Variants in FKBP5 observed in about 807,000 individuals in gnomAD.
FKBP5 encodes FKBP prolyl isomerase 5.
In FKBP5, 23 loss-of-function variants were observed where a neutral mutation model predicts 50.5. The observed-to-expected ratio is 0.46, with a 90% CI of 0.33 to 0.65. The LOEUF (loss-of-function observed/expected upper bound fraction) is 0.65, where lower values mean the gene tolerates loss of function less well. Ranked by LOEUF, FKBP5 falls within the 30% of genes least tolerant of loss-of-function variation. The pLI, the probability that FKBP5 is intolerant of heterozygous loss-of-function variation, is 0.02. For synonymous variants in FKBP5, 176 were observed against 190.6 expected (o/e 0.92, Z 0.63); for missense variants, 411 against 553.1 (o/e 0.74, Z 2.58).
At chr6:35,657,531 CT>C (rs1581858899) in intron 1 of FKBP5, among the ~76,000 whole-genome samples, 2 of 152,342 alleles carry the variant, frequency 1.3e-5, no homozygotes, top group East Asian at 3.9e-4. Flanking sequence ...AAGTTTTCCA[CT>C]TTTAAGAACC....
intron 8 of FKBP5, chr6:35,582,362 T>C: frequency 1.1e-6 from 1 of 884,900 alleles, no homozygotes; most frequent in Non-Finnish European, 1.4e-6. Flanking sequence ...CCGAATGTGA[T>C]ATTTGCAGAT....
At chr6:35,656,204 C>T (rs915174740) in intron 1 of FKBP5, among the ~76,000 whole-genome samples, 3 of 152,144 alleles carry the variant, frequency 2.0e-5, no homozygotes, top group Admixed American at 6.5e-5. Flanking sequence ...TAAAAAATCT[C>T]GGCCATCTTA....
At chr6:35,691,012 AAATAAT>A (rs1198233213), upstream of FKBP5, among the ~76,000 whole-genome samples, 1 of 152,014 alleles carries the variant, frequency 6.6e-6, no homozygotes, top group Non-Finnish European at 1.5e-5. Flanking sequence ...ATCTCAAAAA[AAATAAT>A]AATAAATAAA....
intron 1 of FKBP5, among the ~76,000 whole-genome samples, chr6:35,675,470 T>C (rs1765501783): frequency 6.6e-6 from 1 of 152,198 alleles, no homozygotes; most frequent in Admixed American, 6.5e-5. Context: ...CTCAGGAGGC[T>C]GAGGCAAGAG....
At chr6:35,592,417 A>G (rs1762849741) in intron 6 of FKBP5, among the ~76,000 whole-genome samples, 1 of 152,220 alleles carries the variant, frequency 6.6e-6, no homozygotes, top group Admixed American at 6.5e-5. Flanking sequence ...GAATAGAGAT[A>G]CGAGAGCTGG....
rs758012561 is a variant in FKBP5 at position 35,619,090 on chromosome 6, A to G, written c.508+6T>C. 6.4e-5 allele frequency: 102 copies of G among 1,595,942 alleles called. No homozygotes were observed. Among genetic ancestry groups the G allele is most frequent in the Non-Finnish European group, 8.4e-5 (98 of 1,164,066 alleles). On this transcript the variant is annotated splice_donor_region_variant and intron_variant, in intron 5 of 10. Coordinates refer to ENST00000357266, the MANE Select transcript of FKBP5 (RefSeq NM_004117.4). ...AGGACTAGTTCCCTCTTACTTTAAT[A>G]CTTACTTTCTACTGTTGCTCCTTCG...
intron 7 of FKBP5, among the ~76,000 whole-genome samples, chr6:35,589,220 C>CT (rs1286767380): frequency 6.7e-6 from 1 of 149,682 alleles, no homozygotes; most frequent in Non-Finnish European, 1.5e-5. Flanking sequence ...CCTCCACCTC[C>CT]TGGGTTCAAG....
intron 1 of FKBP5, chr6:35,664,861 T>A (rs1236817553): frequency 2.0e-5 from 3 of 153,642 alleles, no homozygotes; most frequent in African/African-American, 7.2e-5. Flanking sequence ...TATTTCCTTA[T>A]GTTTTTAAGG....
chr6:35,670,999 C>T (rs1355517009), intron 1 of FKBP5, among the ~76,000 whole-genome samples: 1 of 151,950 alleles, frequency 6.6e-6, no homozygotes, highest in Non-Finnish European at 1.5e-5. Flanking sequence ...TGGCTCATGC[C>T]TGTAATCCCA....
At chr6:35,713,993 A>T (rs1766463582) in intron 2 of FKBP5, among the ~76,000 whole-genome samples, 3 of 151,802 alleles carry the variant, frequency 2.0e-5, no homozygotes, top group Non-Finnish European at 4.4e-5. Flanking sequence ...CAGCCCATCC[A>T]CTGAGATGTG....
At chr6:35,649,111 C>T (rs1199380493) in intron 1 of FKBP5, among the ~76,000 whole-genome samples, 4 of 151,720 alleles carry the variant, frequency 2.6e-5, no homozygotes, top group African/African-American at 9.7e-5. Context: ...ATTAGCCGGG[C>T]GTGGTGGCGA....
intron 2 of FKBP5, among the ~76,000 whole-genome samples, chr6:35,711,270 T>G (rs1766406951): frequency 6.7e-6 from 1 of 148,522 alleles, no homozygotes; most frequent in African/African-American, 2.5e-5. Context: ...TGAGCCATGA[T>G]CTCGCCACTG....
intron 5 of FKBP5, among the ~76,000 whole-genome samples, chr6:35,608,336 T>A (rs1763390329): frequency 6.7e-6 from 1 of 150,126 alleles, no homozygotes; most frequent in Admixed American, 6.7e-5. Flanking sequence ...TGTACCAAAC[T>A]GGCACATGTC....
At chr6:35,582,246 G>A (rs766802807) in intron 8 of FKBP5, 131 of 985,228 alleles carry the variant, frequency 1.3e-4, no homozygotes, top group Non-Finnish European at 1.5e-4. Context: ...ATAAGAACAC[G>A]AAACCAGGGC....
upstream of FKBP5, among the ~76,000 whole-genome samples, chr6:35,690,672 A>C (rs1454221361): frequency 1.3e-5 from 2 of 152,208 alleles, no homozygotes; most frequent in African/African-American, 2.4e-5. Context: ...ATTCCTCTGC[A>C]TACTAATACC....
chr6:35,645,922 C>A (rs980312794), intron 1 of FKBP5, among the ~76,000 whole-genome samples: 1 of 152,124 alleles, frequency 6.6e-6, no homozygotes, highest in African/African-American at 2.4e-5. Flanking sequence ...TTGAGACCAG[C>A]CTGGCCAACA....
intron 1 of FKBP5, among the ~76,000 whole-genome samples, chr6:35,674,161 T>C (rs1033752562): frequency 2.6e-5 from 4 of 152,206 alleles, no homozygotes; most frequent in African/African-American, 7.2e-5. Context: ...GTGAGGATTA[T>C]GTAAACAACT....
In FKBP5 at chr6:35,597,324, C is replaced by T. The variant is rs767560322; in HGVS notation, c.589G>A (p.Asp197Asn). 5 of 1,614,158 alleles carry T rather than the reference C, an allele frequency of 3.1e-6. No homozygotes were observed. The highest frequency in any genetic ancestry group is 1.3e-5 in the African/African-American group (1 of 75,034). Residue 197 changes from aspartate to asparagine, a missense_variant, in exon 6 of 11, where the codon GAC (aspartate) becomes AAC (asparagine). By Grantham distance (23) the Asp-to-Asn change is conservative. Around this residue, in one of 3 missense-constraint regions of FKBP5, gnomAD observed 267 missense variants for 405.9 expected, o/e 0.66. Coordinates refer to ENST00000357266, the MANE Select transcript of FKBP5 (RefSeq NM_004117.4). ...GCTTTGTCAATTCCAATTGGAATGT[C>T]GTGGTCTTCTCCTTCGCCCACAGTG... ...AFTVGEGEDH[D>N]IPIGIDKALE...
rs1256046244 is a variant in FKBP5, at chr6:35,652,012, A to C, written c.-19-9169T>G. 1.9e-5 allele frequency: 4 copies of C among 205,312 alleles called. No homozygotes were observed. The South Asian group carries it at 3.9e-4, about 20-fold the overall frequency. The allele number at this position is 205,312 out of a possible 1,614,324, so 12.7% of individuals were successfully genotyped here. Reference sequence around the variant, plus strand: ...TGACAGAAGAACGTGGATTATGAAGATTTTATGGACATTTATTAGTTCCCC... The same window carrying C: ...TGACAGAAGAACGTGGATTATGAAGCTTTTATGGACATTTATTAGTTCCCC... On this transcript the variant is annotated intron_variant, in intron 1 of 10. Coordinates refer to ENST00000357266, the MANE Select transcript of FKBP5 (RefSeq NM_004117.4).
Sources: gnomAD v4.1 joint callset for allele counts (sites outside exome capture counted in the v4.1 genomes callset) on GRCh38, gnomAD v4.1.1 for gene constraint, gnomAD v4.1.1 regional missense constraint, MANE v1.5 for transcripts, NCBI Gene and HGNC (gene_info 2026-07-23, HGNC 2026-07-21) for gene names.